The following PCDHA2 variants were observed in gnomAD, a reference collection of about 807,000 sequenced individuals.
The protein encoded by PCDHA2 is protocadherin alpha 2.
In PCDHA2, 58 loss-of-function variants were observed where a neutral mutation model predicts 66.0. That is an observed-to-expected ratio of 0.88 (90% confidence interval 0.71 to 1.09). The LOEUF is 1.09. Ranked by LOEUF, PCDHA2 falls within the 50% of genes least tolerant of loss-of-function variation. The probability of loss-of-function intolerance (pLI) is 0.00; values close to 1 mark genes in which losing one functional copy is unlikely to be tolerated. For missense variants in PCDHA2, 1,267 were observed against 1,242.3 expected (o/e 1.02, Z -0.30); for synonymous variants, 634 against 554.0 (o/e 1.14, Z -2.03).
rs2098423382 is a variant in PCDHA2, at chr5:141,012,241, T to C, written c.*2304T>C. On this transcript the variant is annotated 3_prime_UTR_variant, in exon 4 of 4. Coordinates refer to ENST00000526136, the MANE Select transcript of PCDHA2 (RefSeq NM_018905.3). ...GTGCTTTCCAATCCATGTTAGTTAC[T>C]AGTTATTACAGCTGTAAGGATAAAA... 6.5e-6 allele frequency: 1 copy of C among 153,802 alleles called. No homozygotes were observed. The highest frequency in any genetic ancestry group is 6.5e-5 in the Admixed American group (1 of 15,284). The allele number at this position is 153,802 out of a possible 1,614,324, so 9.5% of individuals were successfully genotyped here.
chr5:140,927,412 G>A, intron 1 of PCDHA2: 1 of 1,614,122 alleles, frequency 6.2e-7, no homozygotes, highest in African/African-American at 1.3e-5. Context: ...CCTGGACATG[G>A]GATCGCGGGT....
chr5:140,937,953 T>G (rs955302275), intron 1 of PCDHA2, among the ~76,000 whole-genome samples: 5 of 152,174 alleles, frequency 3.3e-5, no homozygotes, highest in South Asian at 2.1e-4. Flanking sequence ...TGGCTTTTGT[T>G]GAAAGTATAT....
chr5:140,863,011 C>T (rs782711409), intron 1 of PCDHA2: 2 of 552,132 alleles, frequency 3.6e-6, no homozygotes, highest in Admixed American at 1.9e-5. Flanking sequence ...CCAGCTATGA[C>T]GCCTGGTTGT....
At chr5:141,004,492 A>G (rs2098168083) in intron 3 of PCDHA2, among the ~76,000 whole-genome samples, 2 of 152,230 alleles carry the variant, frequency 1.3e-5, no homozygotes, top group South Asian at 2.1e-4. Context: ...AACTCTTGGC[A>G]GTCCTGCTGT....
At chr5:140,979,051 G>C in intron 2 of PCDHA2, 44 bp downstream of exon 2, 1 of 1,609,534 alleles carries the variant, frequency 6.2e-7, no homozygotes, top group East Asian at 2.2e-5. Flanking sequence ...ACCTTAACTT[G>C]GTATGGCTCA....
intron 1 of PCDHA2, chr5:140,822,494 A>G: frequency 6.2e-7 from 1 of 1,613,882 alleles, no homozygotes; most frequent in Non-Finnish European, 8.5e-7. Context: ...AACGCCCCAG[A>G]ATTTGATAAA....
chr5:140,875,793 G>A (rs2055816565), intron 1 of PCDHA2: 1 of 1,614,100 alleles, frequency 6.2e-7, no homozygotes, highest in Non-Finnish European at 8.5e-7. Flanking sequence ...TCCACCTGGA[G>A]GTGATCGTGG....
chr5:140,796,977 A>G lies in PCDHA2; in HGVS notation c.2013A>G (p.Glu671=), dbSNP rs147392568. ...CCACCGTGTTAGTGTCGTTGGTGGA[A>G]AGTGGCCAGGCACCCAAGGCCTCGT... ...ATATVLVSLV[E]SGQAPKASSR... Residue 671 remains glutamate, a synonymous_variant, in exon 1 of 4, where the codon GAA becomes GAG. Coordinates refer to ENST00000526136, the MANE Select transcript of PCDHA2 (RefSeq NM_018905.3). 7.3e-4 allele frequency: 1,171 copies of G among 1,613,746 alleles called. No homozygotes were observed. The highest frequency in any genetic ancestry group is 9.2e-4 in the Non-Finnish European group (1,085 of 1,179,944).
intron 1 of PCDHA2, chr5:140,808,700 T>C (rs1554124703): frequency 6.2e-7 from 1 of 1,611,988 alleles, no homozygotes; most frequent in Admixed American, 1.7e-5. Context: ...GCGCGCGCTG[T>C]CGAGCTACGT....
At chr5:140,967,249 G>A (rs782040791) in intron 1 of PCDHA2, 1 of 1,613,592 alleles carries the variant, frequency 6.2e-7, no homozygotes, top group Non-Finnish European at 8.5e-7. Context: ...GCGAATCGGT[G>A]GCGCCTGGAG....
At position 140,802,763 on chromosome 5, in the gene PCDHA2, G is replaced by T. The variant is rs146921578; in HGVS notation, c.2388+5411G>T. On this transcript the variant is annotated intron_variant, in intron 1 of 3. Transcript: ENST00000526136. The stretch of plus-strand genomic sequence containing the variant: ...GCGGCAAGGTGTACGCGCTGCAGCC[G>T]CTGGACCACGAGGAGCTAGAGCTGC... 3.1e-6 allele frequency: 5 copies of T among 1,612,770 alleles called. No individual in the cohort carries two copies. In the African/African-American group the frequency reaches 4.0e-5, roughly 13 times the overall value.
chr5:140,803,171 A>C lies in PCDHA2; in HGVS notation c.2388+5819A>C, dbSNP rs1289199401. 3 of 1,613,746 alleles carry C rather than the reference A, an allele frequency of 1.9e-6. No individual in the cohort carries two copies. The East Asian group carries it at 6.7e-5, about 36-fold the overall frequency. On this transcript the variant is annotated intron_variant, in intron 1 of 3. Coordinates refer to ENST00000526136, the MANE Select transcript of PCDHA2 (RefSeq NM_018905.3). ...TGGTGAAGGACCACGGTGAACCCTC[A>C]TTGACCGCCACGGCCACTGTGCTGG... is the stretch of plus-strand genomic sequence containing the variant.
intron 1 of PCDHA2, chr5:140,927,472 G>A (rs201932518): frequency 1.6e-4 from 264 of 1,614,094 alleles, no homozygotes; most frequent in Non-Finnish European, 2.0e-4. Context: ...ACTGGATCGC[G>A]AACAGCGCGC....
chr5:140,920,116 C>A (rs376109883), intron 1 of PCDHA2, among the ~76,000 whole-genome samples: 72 of 152,304 alleles, frequency 4.7e-4, no homozygotes, highest in African/African-American at 1.6e-3. Context: ...ACCTTGCCAA[C>A]ATCTTGAGTT....
chr5:140,840,515 G>A (rs768946675), intron 1 of PCDHA2, among the ~76,000 whole-genome samples: 2 of 151,998 alleles, frequency 1.3e-5, no homozygotes, highest in African/African-American at 4.8e-5. Context: ...TTTTGGAGCA[G>A]AAGAAAGATG....
At chr5:140,829,306 C>G (rs145661045) in intron 1 of PCDHA2, 10 of 1,614,134 alleles carry the variant, frequency 6.2e-6, no homozygotes, top group Non-Finnish European at 8.5e-6. Flanking sequence ...AGAATTACTA[C>G]TCGTTGGTGC....
At chr5:140,993,310 A>G (rs1013688133) in intron 3 of PCDHA2, among the ~76,000 whole-genome samples, 2 of 152,038 alleles carry the variant, frequency 1.3e-5, no homozygotes, top group African/African-American at 4.8e-5. Context: ...CTCCAGGATA[A>G]TACCTTCTAA....
chr5:140,870,194 C>G, intron 1 of PCDHA2: 1 of 1,614,168 alleles, frequency 6.2e-7, no homozygotes, highest in Non-Finnish European at 8.5e-7. Context: ...GACGCTCAGC[C>G]CAGCACGGTC....
chr5:140,871,570 T>A, intron 1 of PCDHA2: 1 of 1,480,760 alleles, frequency 6.8e-7, no homozygotes, highest in Non-Finnish European at 9.0e-7. Context: ...TTCACGGATT[T>A]TTTAAGGGAA....
Sources: allele counts gnomAD v4.1 joint callset (sites outside exome capture counted in the v4.1 genomes callset), GRCh38; gene constraint gnomAD v4.1.1; transcripts MANE v1.5; gene names NCBI Gene and HGNC (gene_info 2026-07-23, HGNC 2026-07-21).